Variants in RBFOX1 observed in about 807,000 individuals in gnomAD.
RBFOX1 encodes RNA binding protein fox-1 homolog 1.
RBFOX1 carries 8 observed loss-of-function variants against 57.7 expected under a neutral mutation model. That is an observed-to-expected ratio of 0.14 (90% confidence interval 0.08 to 0.25). The LOEUF (loss-of-function observed/expected upper bound fraction) is 0.25. RBFOX1 is among the 10% of genes least tolerant of loss of function. The pLI is 1.00. For missense variants in RBFOX1, 611 were observed against 548.5 expected (o/e 1.11, Z -1.14); for synonymous variants, 326 against 222.4 (o/e 1.47, Z -4.15).
intron 4 of RBFOX1, among the ~76,000 whole-genome samples, chr16:7,193,463 T>C (rs2085924691): frequency 6.6e-6 from 1 of 152,202 alleles, no homozygotes; most frequent in Admixed American, 6.5e-5. Context: ...AAAGCCATCA[T>C]GTTTGAGGTC....
intron 4 of RBFOX1, among the ~76,000 whole-genome samples, chr16:7,197,079 C>A (rs976461259): frequency 3.9e-5 from 6 of 152,190 alleles, no homozygotes; most frequent in Non-Finnish European, 5.9e-5. Flanking sequence ...GACACCTGAA[C>A]ACATGTATTA....
chr16:6,720,970 A>G lies in RBFOX1; in HGVS notation c.-16+66320A>G, dbSNP rs142891628. On this transcript the variant is annotated intron_variant, in intron 3 of 15. Coordinates refer to ENST00000550418, the MANE Select transcript of RBFOX1 (RefSeq NM_018723.4). ...TAATACTGGGACAGTATTAATTCCT[A>G]CTTAACATAAGGATCATGAGGGCTA... 2.4e-3 allele frequency among the ~76,000 whole-genome samples: 361 copies of G among 152,260 alleles called. 1 individual carries two copies. Among genetic ancestry groups the G allele is most frequent in the African/African-American group, 7.6e-3 (316 of 41,560 alleles).
chr16:6,762,012 A>G (rs577305907), intron 3 of RBFOX1, among the ~76,000 whole-genome samples: 12 of 152,126 alleles, frequency 7.9e-5, no homozygotes, highest in Admixed American at 5.2e-4. Flanking sequence ...CGACAACTCT[A>G]CAGGTGCTAA....
intron 2 of RBFOX1, among the ~76,000 whole-genome samples, chr16:6,481,608 A>T (rs1235013640): frequency 6.6e-6 from 1 of 152,230 alleles, no homozygotes; most frequent in African/African-American, 2.4e-5. Flanking sequence ...GTAATTGTAC[A>T]GGGTTCTGGA....
intron 3 of RBFOX1, among the ~76,000 whole-genome samples, chr16:6,745,113 T>A (rs943380434): frequency 1.3e-5 from 2 of 152,086 alleles, no homozygotes; most frequent in Non-Finnish European, 2.9e-5. Flanking sequence ...GAAAGAGATC[T>A]AAGAAAGCTC....
intron 3 of RBFOX1, among the ~76,000 whole-genome samples, chr16:6,979,526 A>G (rs757104173): frequency 1.3e-5 from 2 of 152,230 alleles, no homozygotes. Context: ...ATTAAAATGA[A>G]TATCTTCAAT....
intron 3 of RBFOX1, among the ~76,000 whole-genome samples, chr16:7,022,624 A>T (rs2039645052): frequency 6.6e-6 from 1 of 152,160 alleles, no homozygotes; most frequent in Non-Finnish European, 1.5e-5. Context: ...CAAGCACTGC[A>T]GTAGGCTCTG....
In RBFOX1 at chr16:6,698,314, A is replaced by G. The variant is rs990129095; in HGVS notation, c.-16+43664A>G. Among the ~76,000 whole-genome samples, 6 of 152,168 alleles carry G rather than the reference A, an allele frequency of 3.9e-5. No individual in the cohort carries two copies. In the East Asian group the frequency reaches 1.2e-3, roughly 29 times the overall value. On this transcript the variant is annotated intron_variant, in intron 3 of 15. Transcript: ENST00000550418. ...TACATCTAAACCAGTCCATTTTTCT[A>G]AGATATATGAGGATGTGGGAAAGTC...
At chr16:6,955,356 A>ACG (rs1012993396) in intron 3 of RBFOX1, among the ~76,000 whole-genome samples, 3 of 151,400 alleles carry the variant, frequency 2.0e-5, no homozygotes, top group Admixed American at 2.0e-4. Flanking sequence ...ATGCACACAC[A>ACG]CACACACACA....
At chr16:5,812,671 A>G (rs1015278278) in intron 3 of RBFOX1, among the ~76,000 whole-genome samples, 4 of 152,014 alleles carry the variant, frequency 2.6e-5, no homozygotes, top group African/African-American at 7.2e-5. Context: ...TCTGTTGCCT[A>G]CGTTGGTCTC....
At chr16:6,821,440 T>C (rs538731729) in intron 3 of RBFOX1, among the ~76,000 whole-genome samples, 17 of 152,232 alleles carry the variant, frequency 1.1e-4, no homozygotes, top group Non-Finnish European at 1.8e-4. Flanking sequence ...AAGTGAACAA[T>C]TCAGTGGCAC....
chr16:7,156,538 T>C (rs1007395815), intron 4 of RBFOX1, among the ~76,000 whole-genome samples: 2 of 152,130 alleles, frequency 1.3e-5, no homozygotes, highest in African/African-American at 2.4e-5. Context: ...TATGTGTACA[T>C]ATGCATGTAG....
intron 5 of RBFOX1, among the ~76,000 whole-genome samples, chr16:7,574,095 A>G (rs528319414): frequency 6.6e-6 from 1 of 152,270 alleles, no homozygotes; most frequent in African/African-American, 2.4e-5. Flanking sequence ...CTCAAGTTGA[A>G]TGAGGCACAC....
At chr16:5,550,139 C>T (rs1483427914) in intron 2 of RBFOX1, among the ~76,000 whole-genome samples, 1 of 152,200 alleles carries the variant, frequency 6.6e-6, no homozygotes, top group Admixed American at 6.5e-5. Context: ...ATCTTCCAAA[C>T]AAGCATCACT....
chr16:6,689,438 A>G (rs1433337763), intron 3 of RBFOX1, among the ~76,000 whole-genome samples: 1 of 152,146 alleles, frequency 6.6e-6, no homozygotes, highest in East Asian at 1.9e-4. Flanking sequence ...TTATTTTTAT[A>G]TGGTAATTTC....
At chr16:6,422,140 C>G (rs369841869) in intron 2 of RBFOX1, among the ~76,000 whole-genome samples, 49 of 151,888 alleles carry the variant, frequency 3.2e-4, no homozygotes, top group African/African-American at 1.1e-3. Flanking sequence ...CCTGGCTGGT[C>G]TCAAACTCCT....
At chr16:6,881,352 C>A (rs142727132) in intron 3 of RBFOX1, among the ~76,000 whole-genome samples, 1 of 152,244 alleles carries the variant, frequency 6.6e-6, no homozygotes, top group Non-Finnish European at 1.5e-5. Flanking sequence ...GGTTGGGTGG[C>A]TAAAACAACA....
chr16:6,421,874 C>T (rs145179045), intron 2 of RBFOX1, among the ~76,000 whole-genome samples: 2,035 of 151,618 alleles, frequency 0.013, 47 homozygotes, highest in African/African-American at 0.045. Flanking sequence ...ATCAAATAGA[C>T]TGTGGTCCCA....
chr16:6,033,817 A>G (rs1425837638), intron 1 of RBFOX1, among the ~76,000 whole-genome samples: 1 of 152,180 alleles, frequency 6.6e-6, no homozygotes, highest in Non-Finnish European at 1.5e-5. Context: ...GTCAAAGGAA[A>G]CATGCCTTTC....
Sources: allele counts gnomAD v4.1 joint callset (sites outside exome capture counted in the v4.1 genomes callset), GRCh38; gene constraint gnomAD v4.1.1; transcripts MANE v1.5; gene names NCBI Gene and HGNC (gene_info 2026-07-23, HGNC 2026-07-21).